AFF1: variants seen among roughly 807,000 people sequenced by gnomAD.
The protein encoded by AFF1 is ALF transcription elongation factor 1.
A neutral mutation model predicts 121.7 loss-of-function variants in AFF1; 48 were observed. That is an observed-to-expected ratio of 0.39 (90% CI 0.31 to 0.50). AFF1 has a LOEUF of 0.50. Ranked by LOEUF, AFF1 falls within the 20% of genes least tolerant of loss-of-function variation. The probability of loss-of-function intolerance (pLI) is 0.76; values close to 1 mark genes in which losing one functional copy is unlikely to be tolerated. For missense variants in AFF1, 1,523 were observed against 1,511.7 expected, an observed-to-expected ratio of 1.01 and a Z score of -0.12; for synonymous variants, 613 against 563.0, an observed-to-expected ratio of 1.09 and a Z score of -1.26.
At chr4:86,959,038 C>T (rs1217398978) in intron 2 of AFF1, among the ~76,000 whole-genome samples, 1 of 152,190 alleles carries the variant, frequency 6.6e-6, no homozygotes, top group African/African-American at 2.4e-5. Context: ...TCATCACAAT[C>T]TAGTGAGTAG....
In AFF1 at chr4:87,059,564, G is replaced by C. The variant is rs565355382; in HGVS notation, c.1059+11970G>C. On this transcript the variant is annotated intron_variant, in intron 4 of 20. Coordinates refer to ENST00000395146, the MANE Select transcript of AFF1 (RefSeq NM_001166693.3). ...CAGTATGCCACATTATTTCACATGA[G>C]TGATTTGATTAAGTGAAAATCAGAT... is the stretch of plus-strand genomic sequence containing the variant. Among the ~76,000 whole-genome samples, 11 of 152,284 alleles carry C rather than the reference G, an allele frequency of 7.2e-5. No individual in the cohort carries two copies. The South Asian group carries it at 2.1e-3, about 29-fold the overall frequency.
At chr4:87,103,777 C>T (rs1225629338) in intron 8 of AFF1, among the ~76,000 whole-genome samples, 1 of 152,132 alleles carries the variant, frequency 6.6e-6, no homozygotes, top group Non-Finnish European at 1.5e-5. Context: ...TAATCCTGTG[C>T]TCAAAACAGG....
intron 1 of AFF1, among the ~76,000 whole-genome samples, chr4:86,942,514 T>C (rs1191257688): frequency 6.6e-6 from 1 of 152,236 alleles, no homozygotes. Context: ...TTCCTGTTTG[T>C]TCTTGTTGTC....
At chr4:87,027,401 A>C (rs2149574791) in intron 2 of AFF1, among the ~76,000 whole-genome samples, 1 of 152,356 alleles carries the variant, frequency 6.6e-6, no homozygotes, top group South Asian at 2.1e-4. Flanking sequence ...TGTGTCTCAC[A>C]AGTTTAGGAC....
chr4:87,084,585 TAAATAAATAAATAAATAAA>T (rs1192033073), intron 5 of AFF1, among the ~76,000 whole-genome samples: 68 of 147,910 alleles, frequency 4.6e-4, no homozygotes, highest in African/African-American at 1.6e-3. Flanking sequence ...AATAAATAAA[TAAATAAATAAATAAATAAA>T]AAATAAAGAA....
intron 2 of AFF1, among the ~76,000 whole-genome samples, chr4:86,957,908 CTCTTTT>C (rs1276943706): frequency 2.6e-5 from 4 of 152,038 alleles, no homozygotes; most frequent in Admixed American, 2.0e-4. Flanking sequence ...ATCCTTTTTC[CTCTTTT>C]TCTTTGCTGA....
rs74770845 is a variant in AFF1 at position 87,078,827 on chromosome 4, A to G, written c.1060-5293A>G. On this transcript the variant is annotated intron_variant, in intron 4 of 20. Transcript: ENST00000395146. Reference sequence around the variant, plus strand: ...AACTTTGGATAGATAACCTATTGGGATTTTTTTTTTAAGCTGTCATGCTGT... The same window carrying G: ...AACTTTGGATAGATAACCTATTGGGGTTTTTTTTTTAAGCTGTCATGCTGT... 4.6e-4 allele frequency among the ~76,000 whole-genome samples: 69 copies of G among 150,576 alleles called. 1 individual carries two copies. Among genetic ancestry groups the G allele is most frequent in the South Asian group, 1.3e-3 (6 of 4,762 alleles).
chr4:87,004,427 C>T (rs1725940336), intron 2 of AFF1, among the ~76,000 whole-genome samples: 1 of 151,704 alleles, frequency 6.6e-6, no homozygotes, highest in Non-Finnish European at 1.5e-5. Context: ...ACATATTGAC[C>T]TAAATAAAAC....
intron 4 of AFF1, among the ~76,000 whole-genome samples, chr4:87,058,881 A>G (rs1038212042): frequency 6.6e-5 from 10 of 152,042 alleles, no homozygotes; most frequent in African/African-American, 1.4e-4. Context: ...AGGAGCCACT[A>G]GTGGACTGTA....
intron 2 of AFF1, among the ~76,000 whole-genome samples, chr4:86,982,294 C>T (rs767357831): frequency 1.4e-5 from 2 of 144,654 alleles, no homozygotes; most frequent in Non-Finnish European, 3.0e-5. Context: ...GCAGGGAGTA[C>T]AACAGTTTGC....
intron 1 of AFF1, among the ~76,000 whole-genome samples, chr4:86,944,735 G>C (rs1279090341): frequency 6.6e-6 from 1 of 152,206 alleles, no homozygotes; most frequent in Admixed American, 6.5e-5. Context: ...AGGTTTGGAA[G>C]CACTTAATGA....
intron 1 of AFF1, among the ~76,000 whole-genome samples, chr4:86,945,438 C>T (rs1319589945): frequency 6.6e-6 from 1 of 150,496 alleles, no homozygotes; most frequent in Non-Finnish European, 1.5e-5. Flanking sequence ...TACCCTCTCA[C>T]CTTAGCCTTT....
chr4:87,111,975 T>G (rs1339021351), intron 11 of AFF1, among the ~76,000 whole-genome samples: 1 of 152,254 alleles, frequency 6.6e-6, no homozygotes, highest in African/African-American at 2.4e-5. Context: ...ATACTGGGAA[T>G]GACTTCCCTT....
At chr4:87,007,394 C>G (rs1332802829) in intron 2 of AFF1, 1 of 1,614,038 alleles carries the variant, frequency 6.2e-7, no homozygotes, top group South Asian at 1.1e-5. Flanking sequence ...ACCCCTGGCT[C>G]TATAAGCTGA....
intron 2 of AFF1, among the ~76,000 whole-genome samples, chr4:86,977,618 A>C (rs952273342): frequency 6.6e-6 from 1 of 152,070 alleles, no homozygotes; most frequent in Non-Finnish European, 1.5e-5. Context: ...ATGGTGTCTT[A>C]TCTCTGCTGT....
intron 11 of AFF1, among the ~76,000 whole-genome samples, chr4:87,109,134 A>G (rs1463220481): frequency 6.6e-6 from 1 of 152,236 alleles, no homozygotes; most frequent in Non-Finnish European, 1.5e-5. Context: ...GAATGAAACC[A>G]GCCCACATCG....
chr4:86,975,623 G>C (rs1467681133), intron 2 of AFF1, among the ~76,000 whole-genome samples: 1 of 152,106 alleles, frequency 6.6e-6, no homozygotes, highest in Admixed American at 6.5e-5. Flanking sequence ...TGTGTGTTGA[G>C]GATACAAAAC....
intron 12 of AFF1, among the ~76,000 whole-genome samples, chr4:87,123,102 C>T (rs577963572): frequency 6.6e-6 from 1 of 152,212 alleles, no homozygotes; most frequent in African/African-American, 2.4e-5. Context: ...CAATGTTGGC[C>T]AGACTGGTCT....
intron 2 of AFF1, among the ~76,000 whole-genome samples, chr4:86,968,502 A>G (rs1722690728): frequency 6.6e-6 from 1 of 152,176 alleles, no homozygotes; most frequent in Admixed American, 6.5e-5. Flanking sequence ...GAAGTATGAT[A>G]TTTCGACTGT....
Sources: allele counts gnomAD v4.1 joint callset (sites outside exome capture counted in the v4.1 genomes callset), GRCh38; gene constraint gnomAD v4.1.1; transcripts MANE v1.5; gene names NCBI Gene and HGNC (gene_info 2026-07-23, HGNC 2026-07-21).